Variants in HCN2 observed in about 807,000 individuals in gnomAD.
HCN2 encodes the protein hyperpolarization activated cyclic nucleotide gated potassium and sodium channel 2.
HCN2 carries 20 observed loss-of-function variants against 52.3 expected under a neutral mutation model. The observed-to-expected ratio is 0.38, with a 90% CI of 0.27 to 0.56. HCN2 has a LOEUF of 0.56. Among genes scored for constraint, HCN2 ranks in the 20% least tolerant of loss-of-function variants. The probability of loss-of-function intolerance (pLI) is 0.71; values close to 1 mark genes in which losing one functional copy is unlikely to be tolerated. For synonymous variants in HCN2, 694 were observed against 537.0 expected (o/e 1.29, Z -4.04); for missense variants, 981 against 1,207.7 (o/e 0.81, Z 2.78).
rs776729513 is a variant in HCN2, at chr19:613,264, A to G, written c.1601A>G (p.Asn534Ser). Reference sequence around the variant, plus strand: ...CCCCTGCAGGAGATCGTCAACTTCAACTGCCGGAAGCTGGTGGCCTCCATG... The same window carrying G: ...CCCCTGCAGGAGATCGTCAACTTCAGCTGCCGGAAGCTGGTGGCCTCCATG... ...GPLREEIVNF[N>S]CRKLVASMPL... The change falls in exon 6 of 8, where the codon AAC (asparagine) becomes AGC (serine). Residue 534 changes from asparagine (N) to serine (S), a missense_variant. Asn to Ser is a conservative substitution (Grantham distance 46). Transcript: ENST00000251287. 6.2e-7 allele frequency: 1 copy of G among 1,612,012 alleles called. No homozygotes were observed. The highest frequency in any genetic ancestry group is 8.5e-7 in the Non-Finnish European group (1 of 1,179,612).
chr19:606,356 C>T (rs952451059), intron 3 of HCN2, among the ~76,000 whole-genome samples: 11 of 152,086 alleles, frequency 7.2e-5, no homozygotes, highest in Non-Finnish European at 5.9e-5. Context: ...CTGCCTCGGC[C>T]TCCCAAAGTG....
intron 1 of HCN2, among the ~76,000 whole-genome samples, chr19:596,545 C>CTGTT (rs1326052170): frequency 2.6e-5 from 4 of 152,244 alleles, no homozygotes; most frequent in African/African-American, 9.6e-5. Flanking sequence ...AGAGGCCTCA[C>CTGTT]TGTTACCTGT....
intron 3 of HCN2, among the ~76,000 whole-genome samples, 187 bp downstream of exon 3, chr19:605,409 A>G (rs1600527659): frequency 1.6e-5 from 1 of 62,274 alleles, no homozygotes; most frequent in Non-Finnish European, 3.0e-5. Context: ...CCCCTTATGG[A>G]GGGGAGGACT....
chr19:592,120 C>G lies in HCN2; in HGVS notation c.632+1543C>G, dbSNP rs1460303648. 6.6e-6 allele frequency among the ~76,000 whole-genome samples: 1 copy of G among 152,222 alleles called. No homozygotes were observed. The highest frequency in any genetic ancestry group is 2.4e-5 in the African/African-American group (1 of 41,460). ...TGGACAGTGAGCGGGAAGGACTGGA[C>G]TTCCAGGGCTGCTGGTCGGCCTGGC... On this transcript the variant is annotated intron_variant, in intron 1 of 7. Coordinates refer to ENST00000251287, the MANE Select transcript of HCN2 (RefSeq NM_001194.4). This position sits in a 1 kb window ranked among gnomAD's most constrained non-coding sequence, Gnocchi z 4.8.
chr19:599,292 G>A (rs1385938727), intron 1 of HCN2, among the ~76,000 whole-genome samples: 4 of 152,336 alleles, frequency 2.6e-5, no homozygotes, highest in South Asian at 2.1e-4. Context: ...TCGAGGAGCC[G>A]TCCAGAAGCA....
At chr19:602,768 C>A (rs1053118404) in intron 1 of HCN2, among the ~76,000 whole-genome samples, 21 of 152,368 alleles carry the variant, frequency 1.4e-4, no homozygotes, top group African/African-American at 5.1e-4. Context: ...TTTTGAGCCA[C>A]CTCTTGGGCC....
At position 592,458 on chromosome 19, in the gene HCN2, G is replaced by A. The variant is rs576230492; in HGVS notation, c.632+1881G>A. On this transcript the variant is annotated intron_variant, in intron 1 of 7. Coordinates refer to ENST00000251287, the MANE Select transcript of HCN2 (RefSeq NM_001194.4). The surrounding 1 kb of genome is among the most constrained non-coding windows in gnomAD (Gnocchi z 4.8). ...TCTCATCCTTCCACCCTCCTTGGGC[G>A]TGGTCGCCTGGAGGCCTGGGCAGGC... Among the ~76,000 whole-genome samples, 35 of 152,228 alleles carry A rather than the reference G, an allele frequency of 2.3e-4. No individual in the cohort carries two copies. Among genetic ancestry groups the A allele is most frequent in the Admixed American group, 9.8e-4 (15 of 15,304 alleles).
rs980612646 is a variant in HCN2, at chr19:602,655, G to A, written c.633-889G>A. On this transcript the variant is annotated intron_variant, in intron 1 of 7. Transcript: ENST00000251287. The stretch of plus-strand genomic sequence containing the variant: ...GCTTCCCAGTGCCCCTCTGCACCCC[G>A]GCTCCTCTCTGCTCCTCTGCTGTCC... 9.2e-5 allele frequency among the ~76,000 whole-genome samples: 14 copies of A among 152,296 alleles called. No individual in the cohort carries two copies. In the East Asian group the frequency reaches 1.2e-3, roughly 13 times the overall value.
intron 1 of HCN2, among the ~76,000 whole-genome samples, chr19:602,859 G>C (rs770607583): frequency 3.7e-4 from 56 of 151,406 alleles, no homozygotes; most frequent in Non-Finnish European, 1.6e-4. Flanking sequence ...CAGCGCAGTG[G>C]GCGTTGGGCT....
At position 603,829 on chromosome 19, in the gene HCN2, T is replaced by C. The variant is rs1983300851; in HGVS notation, c.918T>C (p.Leu306=). Residue 306 remains leucine, a synonymous_variant, in exon 2 of 8, where the codon CTT becomes CTC. Transcript: ENST00000251287. ...CCATCCCCGTGGACTACATCTTCCT[T>C]ATCGTGGAGAAGGGCATTGACTCCG... is the stretch of plus-strand genomic sequence containing the variant. ...VSSIPVDYIF[L]IVEKGIDSEV... 1 of 1,612,526 alleles carries C rather than the reference T, an allele frequency of 6.2e-7. No individual in the cohort carries two copies.
At position 590,100 on chromosome 19, in the gene HCN2, C is replaced by G. The variant is rs1982820165; in HGVS notation, c.155C>G (p.Pro52Arg). Residue 52 changes from proline to arginine, a missense_variant, in exon 1 of 8, where the codon CCC (proline) becomes CGC (arginine). By Grantham distance (103) the Pro-to-Arg change is moderately radical. Around this residue, in one of 6 missense-constraint regions of HCN2, gnomAD observed 215 missense variants for 179.4 expected, o/e 1.20. Transcript: ENST00000251287. This position sits in a 1 kb window ranked among gnomAD's most constrained non-coding sequence, Gnocchi z 7.2. ...APPPGPGPAP[P>R]QHPPRAEALP... ...CCCCCGGGCCCCGGGCCCGCGCCCC[C>G]CCAGCACCCGCCCCGGGCCGAGGCG... is the stretch of plus-strand genomic sequence containing the variant. The G allele has an allele frequency of 1.0e-5, 8 of 786,870 alleles. No homozygotes were observed. The South Asian group carries it at 3.3e-4, about 33-fold the overall frequency. 48.7% of individuals were successfully genotyped at this position (786,870 alleles called of 1,614,324 possible).
At chr19:615,373 G>A (rs1438540760) in intron 7 of HCN2, among the ~76,000 whole-genome samples, 2 of 152,164 alleles carry the variant, frequency 1.3e-5, no homozygotes, top group Non-Finnish European at 2.9e-5. Context: ...AATTAGCCGG[G>A]TGTGGTGGCG....
intron 3 of HCN2, among the ~76,000 whole-genome samples, chr19:607,464 C>T (rs145221148): frequency 6.6e-6 from 1 of 152,382 alleles, no homozygotes; most frequent in African/African-American, 2.4e-5. Context: ...GCTGCCCAGG[C>T]TGAGGCAGCC....
chr19:612,998 T>G (rs1408369430), intron 5 of HCN2, among the ~76,000 whole-genome samples: 1 of 152,178 alleles, frequency 6.6e-6, no homozygotes, highest in Admixed American at 6.5e-5. Context: ...ACCGCTCTTG[T>G]CTACAGCCGC....
chr19:610,561 CCCCGT>C (rs913569313), intron 5 of HCN2, among the ~76,000 whole-genome samples, 156 bp downstream of exon 5: 6 of 152,082 alleles, frequency 3.9e-5, no homozygotes, highest in South Asian at 2.1e-4. Context: ...CCCCTCCCCG[CCCCGT>C]GAGCCTCTGC....
chr19:613,425 G>A lies in HCN2; in HGVS notation c.1762G>A (p.Val588Met), dbSNP rs1159882076. The A allele has an allele frequency of 2.5e-6, 4 of 1,612,082 alleles. No homozygotes were observed. The highest frequency in any genetic ancestry group is 1.7e-5 in the Admixed American group (1 of 59,876). ...GAAGATGTACTTCATCCAGCACGGC[G>A]TGGTCAGCGTGCTCACTAAGGGCAA... Reference protein sequence around the residue: ...GKKMYFIQHGVVSVLTKGNKE... With the variant: ...GKKMYFIQHGMVSVLTKGNKE... The change falls in exon 6 of 8, where the codon GTG (valine) becomes ATG (methionine). Residue 588 changes from valine to methionine, a missense_variant. Physicochemically the swap from Val to Met is conservative, Grantham distance 21. Coordinates refer to ENST00000251287, the MANE Select transcript of HCN2 (RefSeq NM_001194.4).
At chr19:612,997 G>C (rs1341100559) in intron 5 of HCN2, among the ~76,000 whole-genome samples, 1 of 152,174 alleles carries the variant, frequency 6.6e-6, no homozygotes, top group Admixed American at 6.5e-5. Context: ...CACCGCTCTT[G>C]TCTACAGCCG....
At position 613,374 on chromosome 19, in the gene HCN2, A is replaced by G; in HGVS notation, c.1711A>G (p.Ile571Val). 6.2e-7 allele frequency: 1 copy of G among 1,612,856 alleles called. No homozygotes were observed. The highest frequency in any genetic ancestry group is 8.5e-7 in the Non-Finnish European group (1 of 1,179,848). Residue 571 changes from isoleucine to valine, a missense_variant, in exon 6 of 8, where the codon ATC becomes GTC. Ile to Val is a conservative substitution (Grantham distance 29, BLOSUM62 3). Transcript: ENST00000251287. ...KFEVFQPGDYIIREGTIGKKM... is the reference protein window; with the variant it reads ...KFEVFQPGDYVIREGTIGKKM... ...CGAGGTCTTCCAGCCGGGTGACTAC[A>G]TCATCCGCGAAGGCACCATCGGGAA...
At chr19:613,554 GGGGGCCGGGGCC>G (rs778777728) in intron 6 of HCN2, 66 bp downstream of exon 6, 45 of 912,726 alleles carry the variant, frequency 4.9e-5, no homozygotes, top group Middle Eastern at 3.6e-4. Flanking sequence ...TGCAGAGCCA[GGGGGCCGGGGCC>G]GGGGCCGGGG....
Sources: gnomAD v4.1 joint callset for allele counts (sites outside exome capture counted in the v4.1 genomes callset) on GRCh38, gnomAD v4.1.1 for gene constraint, gnomAD v4.1.1 regional missense constraint, Gnocchi (gnomAD v3.1) non-coding constraint, MANE v1.5 for transcripts, NCBI Gene and HGNC (gene_info 2026-07-23, HGNC 2026-07-21) for gene names.